Variants in C11orf54 observed in about 807,000 individuals in gnomAD.
C11orf54 encodes beta-keto-L-gulonate decarboxylase.
A neutral mutation model predicts 35.5 loss-of-function variants in C11orf54; 29 were observed. That is an observed-to-expected ratio of 0.82 (90% CI 0.61 to 1.11). The LOEUF is 1.11. C11orf54 is among the 50% of genes most tolerant of loss of function. C11orf54 has a pLI of 0.00. For missense variants in C11orf54, 373 were observed against 369.2 expected, an observed-to-expected ratio of 1.01 and a Z score of -0.08; for synonymous variants, 108 against 121.1, an observed-to-expected ratio of 0.89 and a Z score of 0.71.
At chr11:93,760,584 TATA>T (rs1273687417) in intron 8 of C11orf54, among the ~76,000 whole-genome samples, 4 of 152,190 alleles carry the variant, frequency 2.6e-5, no homozygotes, top group Non-Finnish European at 4.4e-5. Context: ...TTCATTATAT[TATA>T]ATACTATACG....
chr11:93,760,648 G>C (rs959011085), intron 8 of C11orf54, among the ~76,000 whole-genome samples: 1 of 151,954 alleles, frequency 6.6e-6, no homozygotes, highest in Non-Finnish European at 1.5e-5. Flanking sequence ...CTAAAATATT[G>C]GTCATATCTT....
chr11:93,760,722 A>G (rs659841), intron 8 of C11orf54, among the ~76,000 whole-genome samples: 139,517 of 152,014 alleles, frequency 0.92, 65,256 homozygotes, highest in East Asian at 1. Flanking sequence ...GCAGTGATGC[A>G]ATCTCGGCTC....
At chr11:93,743,692 A>G (rs1440616634) in intron 1 of C11orf54, among the ~76,000 whole-genome samples, 4 of 152,190 alleles carry the variant, frequency 2.6e-5, no homozygotes, top group Admixed American at 2.6e-4. Context: ...ACAACCTGTC[A>G]TGGTTGTGAA....
intron 3 of C11orf54, among the ~76,000 whole-genome samples, chr11:93,752,546 C>T (rs748300284): frequency 7.2e-5 from 11 of 151,942 alleles, no homozygotes; most frequent in Non-Finnish European, 1.5e-4. Flanking sequence ...TGTGCCTTTC[C>T]TTCCTCTTTT....
At chr11:93,751,713 T>G (rs1185297817) in intron 3 of C11orf54, among the ~76,000 whole-genome samples, 1 of 151,992 alleles carries the variant, frequency 6.6e-6, no homozygotes, top group East Asian at 1.9e-4. Flanking sequence ...CTTGATTTTT[T>G]TAAAAATATG....
chr11:93,748,623 G>GACAGA (rs1235251454), intron 2 of C11orf54, among the ~76,000 whole-genome samples: 1 of 151,934 alleles, frequency 6.6e-6, no homozygotes, highest in Non-Finnish European at 1.5e-5. Context: ...ATCACTTGAG[G>GACAGA]TCAGGAGTTC....
intron 2 of C11orf54, among the ~76,000 whole-genome samples, chr11:93,749,504 CAAAAAA>C (rs10624807): frequency 1.4e-5 from 1 of 71,742 alleles, no homozygotes; most frequent in Non-Finnish European, 2.4e-5. Flanking sequence ...GACTCTGTCT[CAAAAAA>C]AAAAAAAAAA....
At chr11:93,757,204 G>A (rs1017688499) in intron 6 of C11orf54, 112 bp from the exon 7 acceptor site, 1 of 1,167,978 alleles carries the variant, frequency 8.6e-7, no homozygotes, top group Non-Finnish European at 1.2e-6. Flanking sequence ...AGATCTGGGG[G>A]CTCTAAGCAA....
chr11:93,753,474 T>C (rs571269283), intron 3 of C11orf54, among the ~76,000 whole-genome samples: 2 of 152,292 alleles, frequency 1.3e-5, no homozygotes, highest in Admixed American at 6.5e-5. Flanking sequence ...GCCACCAACT[T>C]TATAAGCCAT....
Position 93,747,468 on chromosome 11 carries a change from T to C in C11orf54, c.55+20T>C, listed in dbSNP as rs752168414. On this transcript the variant is annotated intron_variant, in intron 2 of 8. Coordinates refer to ENST00000354421, the MANE Select transcript of C11orf54 (RefSeq NM_001286069.2). Reference sequence around the variant, plus strand: ...CTGGAGGTAAAAACAATATTAACTTTGGATTTTTAAAAATTATCCCAAGAG... The same window carrying C: ...CTGGAGGTAAAAACAATATTAACTTCGGATTTTTAAAAATTATCCCAAGAG... 5 of 1,569,942 alleles carry C rather than the reference T, an allele frequency of 3.2e-6. No individual in the cohort carries two copies. The highest frequency in any genetic ancestry group is 2.0e-5 in the Admixed American group (1 of 50,562).
intron 6 of C11orf54, among the ~76,000 whole-genome samples, 154 bp from the exon 7 acceptor site, chr11:93,757,162 T>A (rs115761606): frequency 1.3e-5 from 2 of 152,062 alleles, no homozygotes; most frequent in Admixed American, 6.6e-5. Flanking sequence ...ATATGACTGA[T>A]CAAAATTCAC....
intron 6 of C11orf54, 90 bp from the exon 7 acceptor site, chr11:93,757,226 T>C: frequency 7.2e-7 from 1 of 1,391,730 alleles, no homozygotes; most frequent in East Asian, 2.5e-5. Flanking sequence ...GAACAGAATA[T>C]TTGCTTGATA....
intron 5 of C11orf54, among the ~76,000 whole-genome samples, chr11:93,754,645 T>G (rs1658962472): frequency 6.6e-6 from 1 of 151,920 alleles, no homozygotes; most frequent in Non-Finnish European, 1.5e-5. Context: ...TGCCTAGTGT[T>G]CAAGTTAGGA....
chr11:93,762,225 C>G lies in C11orf54; in HGVS notation c.*537C>G, dbSNP rs1347535430. 1 of 152,054 alleles carries G rather than the reference C, an allele frequency of 6.6e-6. No homozygotes were observed. Among genetic ancestry groups the G allele is most frequent in the Non-Finnish European group, 1.5e-5 (1 of 68,038 alleles). The allele number at this position is 152,054 out of a possible 1,614,324, so 9.4% of individuals were successfully genotyped here. ...TATTACATTTTGCAAATTAGTATCA[C>G]AACTGCTAAGTAGATGTTTCTGAGT... On this transcript the variant is annotated 3_prime_UTR_variant, in exon 9 of 9. Transcript: ENST00000354421.
chr11:93,755,323 A>C lies in C11orf54; in HGVS notation c.444A>C (p.Lys148Asn). The change falls in exon 6 of 9, where the codon AAA (lysine) becomes AAC (asparagine). Residue 148 changes from lysine to asparagine, a missense_variant. Transcript: ENST00000354421. ...GCCTACTGGAGAAATACAGTGAGAA[A>C]TGTCATGATTTTCAGTGTGCATTAC... ...GGCLLEKYSE[K>N]CHDFQCALLA... 6.2e-7 allele frequency: 1 copy of C among 1,614,186 alleles called. No individual in the cohort carries two copies. Among genetic ancestry groups the C allele is most frequent in the Non-Finnish European group, 8.5e-7 (1 of 1,180,034 alleles).
intron 3 of C11orf54, among the ~76,000 whole-genome samples, chr11:93,752,690 T>C (rs1942905799): frequency 6.6e-6 from 1 of 152,038 alleles, no homozygotes; most frequent in South Asian, 2.1e-4. Context: ...CTTATGGTTT[T>C]AATTACTACC....
chr11:93,742,669 T>A (rs1476174494), intron 1 of C11orf54: 1 of 152,244 alleles, frequency 6.6e-6, no homozygotes, highest in Non-Finnish European at 1.5e-5. Flanking sequence ...ATTTTAGGAT[T>A]GAACGGGCCT....
At position 93,763,140 on chromosome 11, in the gene C11orf54, C is replaced by G. The variant is rs1006988539; in HGVS notation, c.*1452C>G. The G allele has an allele frequency of 4.6e-5, 7 of 152,070 alleles. 1 individual carries two copies. Among genetic ancestry groups the G allele is most frequent in the Non-Finnish European group, 1.0e-4 (7 of 68,020 alleles). The allele number at this position is 152,070 out of a possible 1,614,324, so 9.4% of individuals were successfully genotyped here. A position where few individuals can be genotyped will look rare whatever the true frequency, so the allele number is the denominator to read the frequency against. ...ATAATATTAATAGTCTATCATTTAA[C>G]AAATATGTATTGAACACCTACCCTT... On this transcript the variant is annotated 3_prime_UTR_variant, in exon 9 of 9. Transcript: ENST00000354421.
chr11:93,759,942 T>G, intron 8 of C11orf54, 84 bp downstream of exon 8: 2 of 812,192 alleles, frequency 2.5e-6, no homozygotes, highest in South Asian at 4.5e-5. Context: ...GGCACTTTTG[T>G]GTTTGTTGTT....
Sources: allele counts gnomAD v4.1 joint callset (sites outside exome capture counted in the v4.1 genomes callset), GRCh38; gene constraint gnomAD v4.1.1; transcripts MANE v1.5; gene names NCBI Gene and HGNC (gene_info 2026-07-23, HGNC 2026-07-21).